Variants in ZEB2 observed in about 807,000 individuals in gnomAD.
ZEB2 encodes the protein zinc finger E-box binding homeobox 2.
A neutral mutation model predicts 99.9 loss-of-function variants in ZEB2; 6 were observed. That is an observed-to-expected ratio of 0.06 (90% CI 0.03 to 0.12). The LOEUF (loss-of-function observed/expected upper bound fraction) is 0.12, where lower values mean the gene tolerates loss of function less well. ZEB2 is among the 10% of genes least tolerant of loss of function. The pLI is 1.00. For synonymous variants in ZEB2, 517 were observed against 542.5 expected, an observed-to-expected ratio of 0.95 and a Z score of 0.65; for missense variants, 969 against 1,502.8, an observed-to-expected ratio of 0.64 and a Z score of 5.87.
Position 144,398,630 on chromosome 2 carries a change from A to G in ZEB2, c.2557T>C (p.Ser853Pro). 1 of 1,614,158 alleles carries G rather than the reference A, an allele frequency of 6.2e-7. No homozygotes were observed. Among genetic ancestry groups the G allele is most frequent in the Non-Finnish European group, 8.5e-7 (1 of 1,180,018 alleles). ...SLDHNSVSSSSENSDEPLNLT... is the reference protein window; with the variant it reads ...SLDHNSVSSSPENSDEPLNLT... ...TTCAGAGGCTCATCTGAGTTTTCAG[A>G]TGAGGAAGAAACACTGTTATGATCT... Residue 853 changes from serine to proline, a missense_variant, in exon 8 of 10, where the codon TCT (serine) becomes CCT (proline). This residue lies in a region of ZEB2 where 346 missense variants were observed against 460.0 expected (regional missense o/e 0.75). Transcript: ENST00000627532.
intron 2 of ZEB2, chr2:144,513,959 A>G (rs1705089148): frequency 1.4e-6 from 2 of 1,402,064 alleles, no homozygotes; most frequent in Non-Finnish European, 9.4e-7. Context: ...TCTGCGGGCA[A>G]CTCGCTTTTT....
intron 4 of ZEB2, 91 bp from the exon 5 acceptor site, chr2:144,405,115 A>G (rs1351383472): frequency 7.4e-7 from 1 of 1,347,092 alleles, no homozygotes; most frequent in Non-Finnish European, 1.0e-6. Flanking sequence ...AGAAATGCTG[A>G]CTTGCAATAG....
At chr2:144,517,487 G>T (rs1173698192) in intron 1 of ZEB2, 68 bp from the exon 2 acceptor site, 2 of 1,083,732 alleles carry the variant, frequency 1.8e-6, no homozygotes, top group Non-Finnish European at 2.8e-6. Context: ...GGGCCGCCCA[G>T]GGGAGCCGGG....
At chr2:144,392,128 A>G (rs1037340051) in intron 9 of ZEB2, among the ~76,000 whole-genome samples, 4 of 152,222 alleles carry the variant, frequency 2.6e-5, no homozygotes, top group Non-Finnish European at 4.4e-5. Flanking sequence ...GAATAGAGAG[A>G]AGAGAAATTA....
intron 2 of ZEB2, chr2:144,464,351 A>G (rs1342074578): frequency 6.6e-6 from 1 of 152,184 alleles, no homozygotes; most frequent in Non-Finnish European, 1.5e-5. Context: ...TGCTACAAAT[A>G]TTAAATAATC....
At chr2:144,464,597 GCAAT>G (rs1212162050) in intron 2 of ZEB2, among the ~76,000 whole-genome samples, 4 of 152,016 alleles carry the variant, frequency 2.6e-5, no homozygotes, top group African/African-American at 9.7e-5. Flanking sequence ...ACCTAAACAA[GCAAT>G]CAATGTACAT....
At chr2:144,446,774 G>T (rs1376943116) in intron 2 of ZEB2, among the ~76,000 whole-genome samples, 1 of 152,040 alleles carries the variant, frequency 6.6e-6, no homozygotes, top group Non-Finnish European at 1.5e-5. Context: ...CAGCACTTTG[G>T]GAGGCTGAGG....
intron 9 of ZEB2, among the ~76,000 whole-genome samples, chr2:144,391,953 A>G (rs1287994417): frequency 6.6e-6 from 1 of 152,240 alleles, no homozygotes; most frequent in African/African-American, 2.4e-5. Context: ...ATAAAGAATA[A>G]GGAAGACAAC....
At chr2:144,502,693 C>G (rs12471396) in intron 2 of ZEB2, among the ~76,000 whole-genome samples, 1 of 152,034 alleles carries the variant, frequency 6.6e-6, no homozygotes, top group Non-Finnish European at 1.5e-5. Context: ...TTCAACGGGA[C>G]GCTGGAATCT....
rs1041287170 is a variant in ZEB2 at position 144,416,182 on chromosome 2, G to C, written c.403+8614C>G. 2.0e-5 allele frequency among the ~76,000 whole-genome samples: 3 copies of C among 152,084 alleles called. No individual in the cohort carries two copies. The East Asian group carries it at 5.8e-4, about 29-fold the overall frequency. ...AACGTGTACTTCAATGTGACAATCA[G>C]GCCCTGAAAAGTTTCCTAGTCCCTT... On this transcript the variant is annotated intron_variant, in intron 4 of 9. Coordinates refer to ENST00000627532, the MANE Select transcript of ZEB2 (RefSeq NM_014795.4).
At chr2:144,517,775 G>C in intron 1 of ZEB2, 1 of 683,562 alleles carries the variant, frequency 1.5e-6, no homozygotes. Context: ...TCAGCCCCCG[G>C]CTCGGGAACT....
chr2:144,400,390 C>A, intron 7 of ZEB2, 120 bp from the exon 8 acceptor site: 2 of 1,069,394 alleles, frequency 1.9e-6, no homozygotes, highest in South Asian at 2.8e-5. Context: ...CCTCTACATT[C>A]TAGGTACTTA....
chr2:144,422,657 G>A (rs113352567), intron 4 of ZEB2, among the ~76,000 whole-genome samples: 79 of 152,164 alleles, frequency 5.2e-4, no homozygotes, highest in African/African-American at 1.6e-3. Flanking sequence ...AAAATTAGCC[G>A]GGCATGGTGG....
chr2:144,472,410 G>C (rs1320540278), intron 2 of ZEB2, among the ~76,000 whole-genome samples: 2 of 152,008 alleles, frequency 1.3e-5, no homozygotes, highest in Non-Finnish European at 2.9e-5. Context: ...TACATGCAAG[G>C]ATAATATGGC....
intron 2 of ZEB2, among the ~76,000 whole-genome samples, chr2:144,487,434 CTG>C (rs1393052395): frequency 2.0e-5 from 3 of 151,390 alleles, no homozygotes; most frequent in Non-Finnish European, 4.4e-5. Context: ...AAGATTGACA[CTG>C]AATATTAAGT....
intron 4 of ZEB2, among the ~76,000 whole-genome samples, chr2:144,419,872 G>C (rs1453540152): frequency 1.3e-5 from 2 of 151,950 alleles, no homozygotes; most frequent in African/African-American, 4.8e-5. Context: ...ATGTGTTATA[G>C]ATCAATTTTG....
intron 4 of ZEB2, among the ~76,000 whole-genome samples, chr2:144,419,194 C>G (rs1703585408): frequency 6.6e-6 from 1 of 152,016 alleles, no homozygotes; most frequent in African/African-American, 2.4e-5. Flanking sequence ...TGGAGCCTCC[C>G]AAAACAATTG....
chr2:144,513,769 G>T (rs1179059091), intron 2 of ZEB2: 1 of 1,536,056 alleles, frequency 6.5e-7, no homozygotes, highest in South Asian at 1.2e-5. Flanking sequence ...GGCATCTCCC[G>T]CTCCGAGTGC....
intron 2 of ZEB2, 103 bp downstream of exon 2, chr2:144,517,175 C>T (rs1705167044): frequency 2.0e-6 from 3 of 1,511,986 alleles, no homozygotes; most frequent in Non-Finnish European, 9.1e-7. Context: ...CCCTGGGCGC[C>T]GCCGCCGCCG....
Sources: allele counts gnomAD v4.1 joint callset (sites outside exome capture counted in the v4.1 genomes callset), GRCh38; gene constraint gnomAD v4.1.1; regional missense constraint gnomAD v4.1.1; transcripts MANE v1.5; gene names NCBI Gene and HGNC (gene_info 2026-07-23, HGNC 2026-07-21).